MEMO1: variants seen among roughly 807,000 people sequenced by gnomAD.
The protein encoded by MEMO1 is mediator of cell motility 1.
In MEMO1, 6 loss-of-function variants were observed where a neutral mutation model predicts 45.2. The observed-to-expected ratio is 0.13, with a 90% CI of 0.07 to 0.26. The LOEUF (loss-of-function observed/expected upper bound fraction) is 0.26. Ranked by LOEUF, MEMO1 falls within the 10% of genes least tolerant of loss-of-function variation. The probability of loss-of-function intolerance (pLI) is 1.00; values close to 1 mark genes in which losing one functional copy is unlikely to be tolerated. For missense variants in MEMO1, 184 were observed against 370.5 expected (o/e 0.50, Z 4.13); for synonymous variants, 78 against 124.3 (o/e 0.63, Z 2.48).
intron 2 of MEMO1, among the ~76,000 whole-genome samples, chr2:31,991,470 C>G (rs1478297691): frequency 6.6e-6 from 1 of 151,062 alleles, no homozygotes; most frequent in Non-Finnish European, 1.5e-5. Context: ...ACTTGGGAGA[C>G]TAAGGCAGGA....
intron 6 of MEMO1, among the ~76,000 whole-genome samples, chr2:31,893,990 TAGAGA>T (rs1393747484): frequency 3.3e-5 from 5 of 152,140 alleles, no homozygotes; most frequent in African/African-American, 1.2e-4. Flanking sequence ...ACTCATGAAT[TAGAGA>T]AAAGAGCATT....
At position 31,869,883 on chromosome 2, in the gene MEMO1, T is replaced by C. The variant is rs1458875661; in HGVS notation, c.727A>G (p.Ile243Val). ...ACCCCAATGGGATGTCTTCCACATA[T>C]AGTATTATGGTATTTCTTCAAGTAA... ...SNYLKKYHNT[I>V]CGRHPIGVLL... Residue 243 changes from isoleucine to valine, a missense_variant, in exon 9 of 10, where the codon ATA becomes GTA. By Grantham distance (29) the Ile-to-Val change is conservative. This residue lies in a region of MEMO1 where 97 missense variants were observed against 209.3 expected (regional missense o/e 0.46). Transcript: ENST00000404530. 6.3e-7 allele frequency: 1 copy of C among 1,590,672 alleles called. No homozygotes were observed. Among genetic ancestry groups the C allele is most frequent in the African/African-American group, 1.4e-5 (1 of 72,996 alleles).
intron 8 of MEMO1, among the ~76,000 whole-genome samples, chr2:31,882,461 T>C (rs926788897): frequency 2.6e-5 from 4 of 152,184 alleles, no homozygotes; most frequent in Non-Finnish European, 4.4e-5. Context: ...GAGTTTATTA[T>C]GTTTAAAATA....
At chr2:31,979,970 T>C (rs1246752355) in intron 2 of MEMO1, among the ~76,000 whole-genome samples, 2 of 146,280 alleles carry the variant, frequency 1.4e-5, no homozygotes, top group East Asian at 4.0e-4. Flanking sequence ...AAACTATAGA[T>C]AGACTATATC....
intron 3 of MEMO1, among the ~76,000 whole-genome samples, chr2:31,933,073 CT>C (rs961948172): frequency 3.3e-5 from 5 of 151,126 alleles, no homozygotes; most frequent in African/African-American, 7.3e-5. Context: ...AATAACTATA[CT>C]TTTTTTTAAG....
intron 2 of MEMO1, among the ~76,000 whole-genome samples, chr2:31,991,787 T>C (rs958612345): frequency 1.3e-5 from 2 of 152,164 alleles, no homozygotes; most frequent in Non-Finnish European, 2.9e-5. Context: ...TAAACGCTCA[T>C]ACTAGAAGAG....
At chr2:31,949,916 G>A (rs1025375604) in intron 2 of MEMO1, among the ~76,000 whole-genome samples, 2 of 151,488 alleles carry the variant, frequency 1.3e-5, no homozygotes, top group Non-Finnish European at 2.9e-5. Context: ...CTATGTACCC[G>A]CAAAAAATAA....
chr2:31,945,590 G>C (rs758903121), intron 2 of MEMO1, among the ~76,000 whole-genome samples: 7 of 152,152 alleles, frequency 4.6e-5, no homozygotes, highest in Non-Finnish European at 1.5e-5. Flanking sequence ...GCTTAGAGAT[G>C]TATGTAAATC....
At chr2:31,899,905 T>G (rs1678517412) in intron 6 of MEMO1, among the ~76,000 whole-genome samples, 3 of 152,216 alleles carry the variant, frequency 2.0e-5, no homozygotes. Context: ...AAGACATTTA[T>G]GTAGCCAACA....
chr2:31,961,736 C>T (rs1668031934), intron 2 of MEMO1, among the ~76,000 whole-genome samples: 1 of 151,808 alleles, frequency 6.6e-6, no homozygotes, highest in Non-Finnish European at 1.5e-5. Context: ...CAAGATCGTG[C>T]TACTATACTG....
At chr2:31,908,096 A>G (rs1680026500) in intron 6 of MEMO1, among the ~76,000 whole-genome samples, 1 of 152,190 alleles carries the variant, frequency 6.6e-6, no homozygotes, top group Admixed American at 6.5e-5. Context: ...TAATTCCTTT[A>G]CATGGTACTT....
intron 2 of MEMO1, among the ~76,000 whole-genome samples, chr2:31,965,315 C>A (rs190361873): frequency 1.3e-3 from 191 of 150,394 alleles, no homozygotes; most frequent in Admixed American, 3.5e-3. Context: ...GAAGGAGGGA[C>A]GGAGGGAGGA....
intron 7 of MEMO1, among the ~76,000 whole-genome samples, chr2:31,889,534 A>C (rs1407703508): frequency 6.6e-6 from 1 of 152,134 alleles, no homozygotes; most frequent in African/African-American, 2.4e-5. Context: ...CCACTACAAT[A>C]TGAATGTGAG....
At chr2:31,969,410 T>C (rs1479055629) in intron 2 of MEMO1, among the ~76,000 whole-genome samples, 5 of 132,072 alleles carry the variant, frequency 3.8e-5, no homozygotes, top group African/African-American at 2.7e-5. Context: ...TATACATATA[T>C]ACACGTATAT....
chr2:31,969,443 G>T (rs562736362), intron 2 of MEMO1, among the ~76,000 whole-genome samples: 2 of 150,112 alleles, frequency 1.3e-5, no homozygotes, highest in African/African-American at 4.9e-5. Flanking sequence ...GTGTGTATAC[G>T]CATATATATC....
At chr2:31,916,404 T>A (rs181482200) in intron 6 of MEMO1, among the ~76,000 whole-genome samples, 1 of 152,250 alleles carries the variant, frequency 6.6e-6, no homozygotes, top group Admixed American at 6.5e-5. Flanking sequence ...AATTTTTCTA[T>A]TTTTAGTAGA....
At chr2:31,894,839 T>G (rs1677514410) in intron 6 of MEMO1, among the ~76,000 whole-genome samples, 1 of 152,184 alleles carries the variant, frequency 6.6e-6, no homozygotes, top group Admixed American at 6.5e-5. Flanking sequence ...CTCACTATGC[T>G]GCCCAGGCTA....
chr2:31,957,006 G>A (rs1667481251), intron 2 of MEMO1, among the ~76,000 whole-genome samples: 1 of 152,090 alleles, frequency 6.6e-6, no homozygotes, highest in African/African-American at 2.4e-5. Flanking sequence ...ACTGGGTGTG[G>A]TAGCATGTGC....
chr2:31,869,633 T>C (rs1673373122), intron 9 of MEMO1, among the ~76,000 whole-genome samples: 1 of 152,074 alleles, frequency 6.6e-6, no homozygotes, highest in South Asian at 2.1e-4. Context: ...TAAATAACTT[T>C]TTGTATTTAA....
Sources: allele counts gnomAD v4.1 joint callset (sites outside exome capture counted in the v4.1 genomes callset), GRCh38; gene constraint gnomAD v4.1.1; regional missense constraint gnomAD v4.1.1; transcripts MANE v1.5; gene names NCBI Gene and HGNC (gene_info 2026-07-23, HGNC 2026-07-21).